FRMD5: variants seen among roughly 807,000 people sequenced by gnomAD.
The protein encoded by FRMD5 is FERM domain containing 5.
FRMD5 carries 20 observed loss-of-function variants against 69.0 expected under a neutral mutation model. That is an observed-to-expected ratio of 0.29 (90% CI 0.20 to 0.42). The LOEUF (loss-of-function observed/expected upper bound fraction) is 0.42. Among genes scored for constraint, FRMD5 ranks in the 10% least tolerant of loss-of-function variants. FRMD5 has a pLI of 1.00. For synonymous variants in FRMD5, 271 were observed against 260.1 expected (o/e 1.04, Z -0.40); for missense variants, 595 against 708.6 (o/e 0.84, Z 1.82).
At chr15:43,957,363 T>C (rs1195532190) in intron 1 of FRMD5, among the ~76,000 whole-genome samples, 1 of 152,074 alleles carries the variant, frequency 6.6e-6, no homozygotes. Context: ...GCCTGACTAA[T>C]TTTTTGTATT....
chr15:44,135,035 G>T (rs2077161429), intron 1 of FRMD5, among the ~76,000 whole-genome samples: 2 of 152,106 alleles, frequency 1.3e-5, no homozygotes, highest in Non-Finnish European at 2.9e-5. Context: ...GACTATTGAG[G>T]GATAAGCATG....
chr15:44,020,128 T>C (rs1391682523), intron 1 of FRMD5, among the ~76,000 whole-genome samples: 1 of 152,172 alleles, frequency 6.6e-6, no homozygotes, highest in Non-Finnish European at 1.5e-5. Context: ...TATGATATCA[T>C]ATCATATCTT....
chr15:43,955,881 G>T (rs531029113), intron 1 of FRMD5, among the ~76,000 whole-genome samples: 1 of 151,908 alleles, frequency 6.6e-6, no homozygotes, highest in Admixed American at 6.6e-5. Flanking sequence ...AGTTTCAGAT[G>T]ATAACTGAGG....
intron 1 of FRMD5, among the ~76,000 whole-genome samples, chr15:44,144,844 C>G (rs140382867): frequency 6.6e-6 from 1 of 152,104 alleles, no homozygotes; most frequent in East Asian, 1.9e-4. Flanking sequence ...ATTGAGGAAA[C>G]CTGTGCTTGT....
intron 1 of FRMD5, among the ~76,000 whole-genome samples, chr15:44,084,149 T>C (rs942818286): frequency 1.9e-4 from 29 of 152,112 alleles, no homozygotes; most frequent in African/African-American, 7.0e-4. Context: ...TGTATCTGAA[T>C]GTCCCACCTA....
chr15:43,883,229 A>T (rs1356813910), intron 13 of FRMD5, among the ~76,000 whole-genome samples: 1 of 151,798 alleles, frequency 6.6e-6, no homozygotes, highest in Non-Finnish European at 1.5e-5. Context: ...CCCCCCGAGT[A>T]GCTGGGATTA....
chr15:44,050,071 T>C (rs1892591093), intron 1 of FRMD5, among the ~76,000 whole-genome samples: 1 of 152,200 alleles, frequency 6.6e-6, no homozygotes, highest in South Asian at 2.1e-4. Context: ...GAATAAACTT[T>C]TTAAAAAAAT....
chr15:43,910,402 C>G, intron 4 of FRMD5, among the ~76,000 whole-genome samples: 1 of 152,014 alleles, frequency 6.6e-6, no homozygotes, highest in Non-Finnish European at 1.5e-5. Flanking sequence ...GGTGAAGGAA[C>G]TAGCCCAGGA....
intron 1 of FRMD5, 107 bp downstream of exon 1, chr15:44,194,846 G>T (rs1595579964): frequency 1.1e-6 from 1 of 939,518 alleles, no homozygotes; most frequent in Non-Finnish European, 1.6e-6. Flanking sequence ...ACAAAGCACG[G>T]CGCTGGGGCT....
intron 1 of FRMD5, among the ~76,000 whole-genome samples, chr15:44,145,544 A>G (rs1207031512): frequency 6.6e-6 from 1 of 152,220 alleles, no homozygotes; most frequent in Non-Finnish European, 1.5e-5. Context: ...AACTTAGATT[A>G]AACATACATT....
chr15:44,004,731 A>G (rs1890361562), intron 1 of FRMD5, among the ~76,000 whole-genome samples: 1 of 152,244 alleles, frequency 6.6e-6, no homozygotes, highest in Non-Finnish European at 1.5e-5. Flanking sequence ...TAACCTTTCA[A>G]TGGCCTGTAA....
rs146481509 is a variant in FRMD5 at position 44,035,473 on chromosome 15, T to A, written c.103-111164A>T. ...CTGGCTGTGAGTCAAACACACAGTA[T>A]CCTGGATGACTGCTATTTTGGCATT... On this transcript the variant is annotated intron_variant, in intron 1 of 13. Coordinates refer to ENST00000417257, the MANE Select transcript of FRMD5 (RefSeq NM_032892.5). 1.7e-3 allele frequency among the ~76,000 whole-genome samples: 256 copies of A among 152,330 alleles called. 1 individual carries two copies. Among genetic ancestry groups the A allele is most frequent in the Non-Finnish European group, 2.9e-3 (198 of 68,024 alleles).
intron 1 of FRMD5, among the ~76,000 whole-genome samples, chr15:44,037,320 T>C (rs1891962556): frequency 6.6e-6 from 1 of 152,194 alleles, no homozygotes; most frequent in African/African-American, 2.4e-5. Flanking sequence ...CATGAACTCA[T>C]CCTTTTTTAT....
intron 4 of FRMD5, among the ~76,000 whole-genome samples, chr15:43,915,281 G>A (rs1174154380): frequency 2.6e-5 from 4 of 152,162 alleles, no homozygotes; most frequent in African/African-American, 9.7e-5. Context: ...TGACAGAATT[G>A]AGTAGTTGCG....
At chr15:44,108,520 C>T (rs2076751728) in intron 1 of FRMD5, among the ~76,000 whole-genome samples, 1 of 152,014 alleles carries the variant, frequency 6.6e-6, no homozygotes, top group Non-Finnish European at 1.5e-5. Context: ...GGGTGCATGC[C>T]TGGAATCCCA....
chr15:44,001,913 G>T (rs1279697554), intron 1 of FRMD5, among the ~76,000 whole-genome samples: 1 of 151,860 alleles, frequency 6.6e-6, no homozygotes, highest in African/African-American at 2.4e-5. Flanking sequence ...TAGACACGGG[G>T]TTTCACCATG....
intron 13 of FRMD5, among the ~76,000 whole-genome samples, chr15:43,876,708 A>G (rs1227626331): frequency 2.6e-5 from 4 of 152,082 alleles, no homozygotes; most frequent in Non-Finnish European, 5.9e-5. Flanking sequence ...GACTTTGTGG[A>G]ATGATGGGGT....
chr15:43,898,256 TTGTGTTACCCAGTACCTTTGGGCATTAC>T (rs1413375139), intron 7 of FRMD5, among the ~76,000 whole-genome samples: 109 of 152,290 alleles, frequency 7.2e-4, no homozygotes, highest in Middle Eastern at 3.4e-3. Flanking sequence ...AGCCTCAGTA[TTGTGTTACCCAGTACCTTTGGGCATTAC>T]TGTGTTACCC....
At chr15:44,070,344 C>T (rs1893488934) in intron 1 of FRMD5, among the ~76,000 whole-genome samples, 1 of 150,988 alleles carries the variant, frequency 6.6e-6, no homozygotes, top group Non-Finnish European at 1.5e-5. Context: ...AAGGCAGATC[C>T]TCTAATGCAA....
Sources: gnomAD v4.1 joint callset for allele counts (sites outside exome capture counted in the v4.1 genomes callset) on GRCh38, gnomAD v4.1.1 for gene constraint, MANE v1.5 for transcripts, NCBI Gene and HGNC (gene_info 2026-07-23, HGNC 2026-07-21) for gene names.